Variants in EYS observed in about 807,000 individuals in gnomAD.
EYS encodes the protein protein eyes shut homolog.
In EYS, 250 loss-of-function variants were observed where a neutral mutation model predicts 282.1. The observed-to-expected ratio is 0.89, with a 90% confidence interval of 0.80 to 0.98. The LOEUF (loss-of-function observed/expected upper bound fraction) is 0.98, where lower values mean the gene tolerates loss of function less well. Ranked by LOEUF, EYS falls within the 50% of genes least tolerant of loss-of-function variation. EYS has a pLI of 0.00. For missense variants in EYS, 4,016 were observed against 3,709.0 expected (o/e 1.08, Z -2.15); for synonymous variants, 1,355 against 1,282.9 (o/e 1.06, Z -1.20).
Position 65,401,597 on chromosome 6 carries a change from T to A in EYS, c.1184+881A>T, listed in dbSNP as rs9345622. Among the ~76,000 whole-genome samples the A allele has an allele frequency of 1.2e-3, 188 of 152,036 alleles. 3 individuals are homozygous for A. The East Asian group carries it at 0.033, about 27-fold the overall frequency. Reference sequence around the variant, plus strand: ...AGTTTTCAATATCTTGATATAATGATAAGGTTTATTGTCAGTTCTTTTGAA... The same window carrying A: ...AGTTTTCAATATCTTGATATAATGAAAAGGTTTATTGTCAGTTCTTTTGAA... On this transcript the variant is annotated intron_variant, in intron 7 of 42. Transcript: ENST00000503581.
At chr6:65,409,984 TCATA>T (rs775546179) in intron 5 of EYS, among the ~76,000 whole-genome samples, 41 of 152,176 alleles carry the variant, frequency 2.7e-4, no homozygotes, top group Non-Finnish European at 4.7e-4. Flanking sequence ...TTTATTTTGA[TCATA>T]CAAAGAGTAA....
intron 40 of EYS, among the ~76,000 whole-genome samples, chr6:63,772,621 C>A (rs1660885201): frequency 1.3e-5 from 2 of 152,046 alleles, no homozygotes; most frequent in Admixed American, 1.3e-4. Flanking sequence ...GTTTTAAAAT[C>A]AATTGAACTA....
chr6:63,941,491 A>G (rs1201727461), intron 35 of EYS, among the ~76,000 whole-genome samples: 1 of 152,156 alleles, frequency 6.6e-6, no homozygotes, highest in Non-Finnish European at 1.5e-5. Flanking sequence ...TCTTTTGAGA[A>G]GTGTCTGTTC....
At chr6:64,315,571 G>A (rs985740614) in intron 29 of EYS, among the ~76,000 whole-genome samples, 1 of 150,672 alleles carries the variant, frequency 6.6e-6, no homozygotes, top group African/African-American at 2.4e-5. Flanking sequence ...TTTCTACCAC[G>A]ATCAAGTCAG....
intron 2 of EYS, among the ~76,000 whole-genome samples, chr6:65,580,148 C>A (rs1004918065): frequency 6.6e-6 from 1 of 151,926 alleles, no homozygotes; most frequent in Non-Finnish European, 1.5e-5. Context: ...ATATCTGTAT[C>A]CTCAGGAAGG....
intron 31 of EYS, among the ~76,000 whole-genome samples, chr6:64,168,686 C>G (rs1764378447): frequency 6.6e-6 from 1 of 151,968 alleles, no homozygotes; most frequent in Admixed American, 6.6e-5. Flanking sequence ...TATGAAATAT[C>G]CAGGGAAGGA....
intron 8 of EYS, among the ~76,000 whole-genome samples, chr6:65,369,708 A>T (rs1169401120): frequency 6.6e-6 from 1 of 151,632 alleles, no homozygotes; most frequent in Admixed American, 6.7e-5. Flanking sequence ...TCTCCTGTGC[A>T]CTGTAGGATC....
At chr6:64,790,546 T>G (rs763063504) in intron 22 of EYS, among the ~76,000 whole-genome samples, 4 of 151,888 alleles carry the variant, frequency 2.6e-5, no homozygotes, top group Non-Finnish European at 5.9e-5. Flanking sequence ...TGAAAAGAAA[T>G]AAATTTCAGT....
chr6:64,589,302 A>G (rs923813353), intron 26 of EYS, among the ~76,000 whole-genome samples: 1 of 152,102 alleles, frequency 6.6e-6, no homozygotes, highest in African/African-American at 2.4e-5. Flanking sequence ...GCCATAAATT[A>G]CACACCTAAA....
At chr6:65,275,892 C>T (rs1318310224) in intron 12 of EYS, among the ~76,000 whole-genome samples, 1 of 152,110 alleles carries the variant, frequency 6.6e-6, no homozygotes, top group Admixed American at 6.6e-5. Flanking sequence ...GCCTTCTGTG[C>T]ATGCACTGCT....
intron 30 of EYS, among the ~76,000 whole-genome samples, chr6:64,270,868 G>C (rs1767919723): frequency 6.6e-6 from 1 of 152,094 alleles, no homozygotes; most frequent in Non-Finnish European, 1.5e-5. Flanking sequence ...AACTGAAACA[G>C]CATAGTTGTT....
At chr6:63,954,798 C>A (rs1765744120) in intron 35 of EYS, among the ~76,000 whole-genome samples, 1 of 152,198 alleles carries the variant, frequency 6.6e-6, no homozygotes. Flanking sequence ...CTTCCCACCT[C>A]ACAGGCCTAT....
chr6:65,513,742 C>G (rs369809491), intron 2 of EYS, among the ~76,000 whole-genome samples: 2,013 of 151,586 alleles, frequency 0.013, 30 homozygotes, highest in South Asian at 0.039. Context: ...ATTCAACAAC[C>G]CTTCATGCTA....
chr6:63,804,341 C>G (rs1033460969), intron 37 of EYS, among the ~76,000 whole-genome samples: 3 of 152,122 alleles, frequency 2.0e-5, no homozygotes, highest in African/African-American at 7.2e-5. Context: ...TTAAGAGCTT[C>G]CCATGTATTA....
intron 40 of EYS, among the ~76,000 whole-genome samples, chr6:63,764,760 TAAC>T (rs1769742058): frequency 1.3e-5 from 2 of 151,904 alleles, no homozygotes; most frequent in African/African-American, 2.4e-5. Flanking sequence ...TTTGAAAAAA[TAAC>T]AAATCGGAGC....
At chr6:64,614,215 A>T (rs1425173035) in intron 24 of EYS, among the ~76,000 whole-genome samples, 3 of 152,162 alleles carry the variant, frequency 2.0e-5, no homozygotes, top group Non-Finnish European at 4.4e-5. Context: ...TACAACAGGC[A>T]AGATGAAAAT....
chr6:64,815,108 A>G (rs1227978445), intron 21 of EYS: 3 of 302,764 alleles, frequency 9.9e-6, no homozygotes, highest in Non-Finnish European at 2.0e-5. Context: ...TCAGTATAAT[A>G]TTCCAGTCAT....
At chr6:65,021,177 A>G (rs1206438444) in intron 13 of EYS, among the ~76,000 whole-genome samples, 1 of 152,162 alleles carries the variant, frequency 6.6e-6, no homozygotes, top group Non-Finnish European at 1.5e-5. Flanking sequence ...TCCCCAGAAA[A>G]TTGGCTTTTA....
intron 31 of EYS, among the ~76,000 whole-genome samples, chr6:64,202,092 G>C (rs994911636): frequency 2.6e-5 from 4 of 152,018 alleles, no homozygotes; most frequent in African/African-American, 9.7e-5. Context: ...GGTACCCCAA[G>C]AAGTAGCAAT....
Sources: allele counts gnomAD v4.1 joint callset (sites outside exome capture counted in the v4.1 genomes callset), GRCh38; gene constraint gnomAD v4.1.1; transcripts MANE v1.5; gene names NCBI Gene and HGNC (gene_info 2026-07-23, HGNC 2026-07-21).